Variants in DNER observed in about 807,000 individuals in gnomAD.
The protein encoded by DNER is delta/notch like EGF repeat containing, also known as delta and Notch-like epidermal growth factor-related receptor.
A neutral mutation model predicts 78.2 loss-of-function variants in DNER; 33 were observed. That is an observed-to-expected ratio of 0.42 (90% CI 0.32 to 0.56). The LOEUF is 0.56. Among genes scored for constraint, DNER ranks in the 20% least tolerant of loss-of-function variants. DNER has a pLI of 0.11. For missense variants in DNER, 918 were observed against 975.3 expected (o/e 0.94, Z 0.78); for synonymous variants, 417 against 384.8 (o/e 1.08, Z -0.98).
chr2:229,488,981 T>A (rs57790472), intron 6 of DNER, among the ~76,000 whole-genome samples: 11,456 of 152,290 alleles, frequency 0.075, 1,245 homozygotes, highest in African/African-American at 0.24. Flanking sequence ...CATTGGATTG[T>A]GGCACATTGA....
intron 1 of DNER, among the ~76,000 whole-genome samples, chr2:229,686,196 T>G (rs547685139): frequency 1.2e-4 from 18 of 152,110 alleles, no homozygotes; most frequent in Admixed American, 7.2e-4. Flanking sequence ...TACACCCACA[T>G]TTGCACTCCC....
At chr2:229,418,897 G>A (rs1381865111) in intron 8 of DNER, among the ~76,000 whole-genome samples, 1 of 146,060 alleles carries the variant, frequency 6.8e-6, no homozygotes, top group Non-Finnish European at 1.5e-5. Flanking sequence ...CTCCAGCCTG[G>A]GCGACAAGAG....
intron 4 of DNER, among the ~76,000 whole-genome samples, chr2:229,561,924 T>C (rs141682050): frequency 3.8e-4 from 58 of 152,210 alleles, no homozygotes; most frequent in African/African-American, 1.3e-3. Flanking sequence ...TATTGTACAT[T>C]TACAAGGACC....
chr2:229,447,470 G>A lies in DNER; in HGVS notation c.1332C>T (p.Thr444=), dbSNP rs200504138. 161 of 1,614,176 alleles carry A rather than the reference G, an allele frequency of 1.0e-4. 1 individual carries two copies. In the East Asian group the frequency reaches 3.4e-3, roughly 34 times the overall value. Residue 444 remains threonine (T), a synonymous_variant, in exon 8 of 13, where the codon ACC becomes ACT. Coordinates refer to ENST00000341772, the MANE Select transcript of DNER (RefSeq NM_139072.4). ...CASSPCQNNG[T]CYVDGVHFTC... ...TAAAGTGTACCCCGTCCACATAGCA[G>A]GTGCCGTTGTTCTGGCACGGAGACG...
At chr2:229,590,167 C>A (rs1697576823) in intron 2 of DNER, among the ~76,000 whole-genome samples, 1 of 152,074 alleles carries the variant, frequency 6.6e-6, no homozygotes, top group Non-Finnish European at 1.5e-5. Flanking sequence ...AGTGTCACTT[C>A]AAACTCATGA....
chr2:229,658,696 T>C (rs569384000), intron 1 of DNER, among the ~76,000 whole-genome samples: 1 of 152,274 alleles, frequency 6.6e-6, no homozygotes, highest in East Asian at 1.9e-4. Context: ...TTTATCTGAA[T>C]GACAACCAAT....
At chr2:229,597,972 A>C (rs1017221665) in intron 1 of DNER, among the ~76,000 whole-genome samples, 6 of 152,220 alleles carry the variant, frequency 3.9e-5, no homozygotes, top group African/African-American at 1.4e-4. Context: ...CAAAGGCAGT[A>C]GCAGTGTGAC....
chr2:229,367,041 G>C lies in DNER; in HGVS notation c.1934C>G (p.Ala645Gly). 1 of 1,614,086 alleles carries C rather than the reference G, an allele frequency of 6.2e-7. No individual in the cohort carries two copies. The change falls in exon 12 of 13, where the codon GCC becomes GGC. Residue 645 changes from alanine to glycine, a missense_variant. Physicochemically the swap from Ala to Gly is moderately conservative, Grantham distance 60 (BLOSUM62 0). Coordinates refer to ENST00000341772, the MANE Select transcript of DNER (RefSeq NM_139072.4). ...PRHSLYIIIG[A>G]LCVAFILMLI... ...CATAAGGATGAAGGCCACGCAGAGG[G>C]CTCCAATGATGATGTAGAGGGAGTG...
At chr2:229,618,500 C>A (rs931991630) in intron 1 of DNER, among the ~76,000 whole-genome samples, 1 of 152,128 alleles carries the variant, frequency 6.6e-6, no homozygotes, top group Non-Finnish European at 1.5e-5. Context: ...GGCCTATTTC[C>A]AAGGGCCTCT....
chr2:229,448,155 C>T lies in DNER; in HGVS notation c.1262-615G>A, dbSNP rs116049924. 6.2e-3 allele frequency among the ~76,000 whole-genome samples: 935 copies of T among 151,982 alleles called. 13 individuals carry two copies. The highest frequency in any genetic ancestry group is 0.021 in the African/African-American group (856 of 41,476). ...TTGTTGTAAGAGAAACAAAAGTGAT[C>T]TACCCACACAATGAAATACCACTCA... On this transcript the variant is annotated intron_variant, in intron 7 of 12. Transcript: ENST00000341772.
rs550565944 is a variant in DNER, at chr2:229,669,532, T to C, written c.276+44616A>G. On this transcript the variant is annotated intron_variant, in intron 1 of 12. Coordinates refer to ENST00000341772, the MANE Select transcript of DNER (RefSeq NM_139072.4). ...ACGGCCATTTGCAGGATATTGATTC[T>C]TCCTAACCATGAGCATGGAATGTTT... 3.9e-5 allele frequency among the ~76,000 whole-genome samples: 6 copies of C among 152,336 alleles called. No individual in the cohort carries two copies. The South Asian group carries it at 1.0e-3, about 26-fold the overall frequency.
intron 1 of DNER, among the ~76,000 whole-genome samples, chr2:229,676,677 G>GTCTGT (rs1330597679): frequency 6.6e-6 from 1 of 152,162 alleles, no homozygotes; most frequent in Non-Finnish European, 1.5e-5. Flanking sequence ...AGTACCTACA[G>GTCTGT]ACATGTCTCC....
chr2:229,420,606 C>CA (rs1331195439), intron 8 of DNER, among the ~76,000 whole-genome samples: 1 of 151,964 alleles, frequency 6.6e-6, no homozygotes, highest in African/African-American at 2.4e-5. Flanking sequence ...ATGTAAGGTA[C>CA]AAAATAATAC....
intron 4 of DNER, among the ~76,000 whole-genome samples, chr2:229,568,506 G>T (rs1697155025): frequency 6.6e-6 from 1 of 152,148 alleles, no homozygotes; most frequent in Non-Finnish European, 1.5e-5. Context: ...TAAAGGAAAT[G>T]ATTTATAAAA....
chr2:229,413,958 G>C (rs1693587278), intron 9 of DNER, among the ~76,000 whole-genome samples: 1 of 151,832 alleles, frequency 6.6e-6, no homozygotes, highest in Non-Finnish European at 1.5e-5. Context: ...TTTCCTGAAT[G>C]TATACAGACA....
intron 6 of DNER, among the ~76,000 whole-genome samples, chr2:229,494,089 G>T (rs1695456084): frequency 6.6e-6 from 1 of 152,148 alleles, no homozygotes; most frequent in Non-Finnish European, 1.5e-5. Context: ...AGGAAATAAA[G>T]AATATAGCCC....
intron 1 of DNER, among the ~76,000 whole-genome samples, chr2:229,690,509 A>T (rs2761119): frequency 0.43 from 65,034 of 152,126 alleles, 15,714 homozygotes; most frequent in Non-Finnish European, 0.56. Context: ...TGGAACTAGC[A>T]TTTGATAAAA....
chr2:229,634,390 G>A (rs974252212), intron 1 of DNER, among the ~76,000 whole-genome samples: 2 of 151,938 alleles, frequency 1.3e-5, no homozygotes, highest in African/African-American at 2.4e-5. Context: ...CTGTACTCTC[G>A]CCACACTACT....
intron 1 of DNER, among the ~76,000 whole-genome samples, chr2:229,695,164 T>A (rs1699643012): frequency 6.6e-6 from 1 of 152,186 alleles, no homozygotes; most frequent in Non-Finnish European, 1.5e-5. Context: ...TCCTGAGGCC[T>A]CCCCAGCCAT....
Sources: allele counts gnomAD v4.1 joint callset (sites outside exome capture counted in the v4.1 genomes callset), GRCh38; gene constraint gnomAD v4.1.1; transcripts MANE v1.5; gene names NCBI Gene and HGNC (gene_info 2026-07-23, HGNC 2026-07-21).